The following HCRTR2 variants were observed in gnomAD, a reference collection of about 807,000 sequenced individuals.
HCRTR2 encodes orexin receptor type 2.
HCRTR2 carries 22 observed loss-of-function variants against 49.0 expected under a neutral mutation model. That is an observed-to-expected ratio of 0.45 (90% CI 0.32 to 0.64). The LOEUF is 0.64. Ranked by LOEUF, HCRTR2 falls within the 30% of genes least tolerant of loss-of-function variation. The pLI, the probability that HCRTR2 is intolerant of heterozygous loss-of-function variation, is 0.04. For missense variants in HCRTR2, 491 were observed against 559.4 expected, an observed-to-expected ratio of 0.88 and a Z score of 1.23; for synonymous variants, 236 against 205.3, an observed-to-expected ratio of 1.15 and a Z score of -1.28.
chr6:55,252,786 A>G (rs972172595), intron 2 of HCRTR2, among the ~76,000 whole-genome samples: 1 of 152,104 alleles, frequency 6.6e-6, no homozygotes, highest in Admixed American at 6.6e-5. Context: ...ATTTCTATGA[A>G]TATTCTTCTC....
At chr6:55,174,931 G>T (rs1453209587) in intron 1 of HCRTR2, 121 bp downstream of exon 1, 1 of 720,932 alleles carries the variant, frequency 1.4e-6, no homozygotes, top group Non-Finnish European at 2.4e-6. Flanking sequence ...GCTGCTCTCG[G>T]ATGGGGTTTT....
chr6:55,136,643 T>C (rs1188474934), intron 1 of HCRTR2, among the ~76,000 whole-genome samples: 1 of 152,216 alleles, frequency 6.6e-6, no homozygotes, highest in Non-Finnish European at 1.5e-5. Flanking sequence ...CAAATTTAGG[T>C]GACTTACCCA....
At chr6:55,118,164 T>A (rs2127236585) in intron 1 of HCRTR2, among the ~76,000 whole-genome samples, 1 of 152,062 alleles carries the variant, frequency 6.6e-6, no homozygotes, top group Middle Eastern at 3.4e-3. Flanking sequence ...TGGTTTTCTG[T>A]TCCTGAGTTA....
At chr6:55,269,407 G>A (rs901087522) in intron 4 of HCRTR2, among the ~76,000 whole-genome samples, 1 of 152,042 alleles carries the variant, frequency 6.6e-6, no homozygotes, top group African/African-American at 2.4e-5. Context: ...CACAAAATAA[G>A]AGGTAAACTA....
At chr6:55,184,655 G>T (rs1418369238) in intron 1 of HCRTR2, among the ~76,000 whole-genome samples, 1 of 152,164 alleles carries the variant, frequency 6.6e-6, no homozygotes. Flanking sequence ...TTCCCTACAG[G>T]TTGGCATGGT....
At chr6:55,168,691 A>G (rs1581804535) in intron 1 of HCRTR2, among the ~76,000 whole-genome samples, 1 of 152,100 alleles carries the variant, frequency 6.6e-6, no homozygotes, top group Admixed American at 6.6e-5. Flanking sequence ...TGAGCCTCCC[A>G]GATAGCTAGG....
At chr6:55,263,260 C>G (rs1766801872) in intron 3 of HCRTR2, among the ~76,000 whole-genome samples, 2 of 152,016 alleles carry the variant, frequency 1.3e-5, no homozygotes, top group Admixed American at 1.3e-4. Context: ...TAATAAGGAA[C>G]AACCAACTGA....
At chr6:55,216,349 C>G (rs1765786662) in intron 1 of HCRTR2, among the ~76,000 whole-genome samples, 1 of 152,128 alleles carries the variant, frequency 6.6e-6, no homozygotes, top group South Asian at 2.1e-4. Context: ...AAAGTCTTAA[C>G]CTGTTCTAGC....
chr6:55,169,056 T>A (rs201499140), intron 1 of HCRTR2, among the ~76,000 whole-genome samples: 1 of 151,902 alleles, frequency 6.6e-6, no homozygotes, highest in East Asian at 2.0e-4. Flanking sequence ...GGAAAATAGA[T>A]GTCTCTTCTG....
At chr6:55,254,097 A>G (rs1766604422) in intron 2 of HCRTR2, among the ~76,000 whole-genome samples, 1 of 152,164 alleles carries the variant, frequency 6.6e-6, no homozygotes, top group Non-Finnish European at 1.5e-5. Context: ...GATATTGGGG[A>G]CACAGTTGTG....
intron 2 of HCRTR2, 52 bp downstream of exon 2, chr6:55,248,869 A>G (rs1332647795): frequency 6.9e-7 from 1 of 1,442,024 alleles, no homozygotes; most frequent in Non-Finnish European, 9.8e-7. Flanking sequence ...GTTCAGCCAT[A>G]GCGATGGCCC....
chr6:55,147,758 A>G (rs1274063240), intron 1 of HCRTR2, among the ~76,000 whole-genome samples: 2 of 152,202 alleles, frequency 1.3e-5, no homozygotes, highest in African/African-American at 4.8e-5. Flanking sequence ...ACTTGCAATA[A>G]GAAAAGAGTT....
chr6:55,196,496 G>C (rs1249584713), intron 1 of HCRTR2, among the ~76,000 whole-genome samples: 1 of 152,192 alleles, frequency 6.6e-6, no homozygotes, highest in South Asian at 2.1e-4. Context: ...ATCATCTATG[G>C]CACGAGCATA....
intron 1 of HCRTR2, among the ~76,000 whole-genome samples, chr6:55,162,690 A>G (rs1480384657): frequency 6.6e-6 from 1 of 152,232 alleles, no homozygotes; most frequent in Non-Finnish European, 1.5e-5. Flanking sequence ...TCTATACACT[A>G]ATAATAGACA....
intron 1 of HCRTR2, among the ~76,000 whole-genome samples, chr6:55,117,542 A>G (rs1312442850): frequency 1.3e-5 from 2 of 151,710 alleles, no homozygotes; most frequent in Non-Finnish European, 2.9e-5. Flanking sequence ...AAACATTACT[A>G]TTTACTTGTT....
intron 3 of HCRTR2, among the ~76,000 whole-genome samples, chr6:55,256,806 G>A (rs1766661786): frequency 1.3e-5 from 2 of 151,994 alleles, no homozygotes; most frequent in Non-Finnish European, 1.5e-5. Flanking sequence ...TATATGTCAG[G>A]CATTGTGCCC....
chr6:55,186,350 CT>C (rs1249044300), intron 1 of HCRTR2, among the ~76,000 whole-genome samples: 1 of 151,978 alleles, frequency 6.6e-6, no homozygotes, highest in African/African-American at 2.4e-5. Context: ...ATTTGAATTG[CT>C]TTTGTGATTA....
At chr6:55,137,713 C>CT (rs1764451763) in intron 1 of HCRTR2, among the ~76,000 whole-genome samples, 1 of 152,148 alleles carries the variant, frequency 6.6e-6, no homozygotes. Context: ...ATGCCATTCA[C>CT]TGAGCCTCAG....
rs184817077 is a variant in HCRTR2 at position 55,261,120 on chromosome 6, A to G, written c.647-2587A>G. Among the ~76,000 whole-genome samples, 59 of 152,354 alleles carry G rather than the reference A, an allele frequency of 3.9e-4. 1 individual carries two copies. The highest frequency in any genetic ancestry group is 1.3e-3 in the African/African-American group (55 of 41,576). ...ATTACATTTAATATCTATGGAATCT[A>G]TGCAAGATATATTGCTTCCTCTTTT... On this transcript the variant is annotated intron_variant, in intron 3 of 6. Coordinates refer to ENST00000370862, the MANE Select transcript of HCRTR2 (RefSeq NM_001384272.1).
Sources: gnomAD v4.1 joint callset for allele counts (sites outside exome capture counted in the v4.1 genomes callset) on GRCh38, gnomAD v4.1.1 for gene constraint, MANE v1.5 for transcripts, NCBI Gene and HGNC (gene_info 2026-07-23, HGNC 2026-07-21) for gene names.